SLC25A27: variants seen among roughly 807,000 people sequenced by gnomAD.
The protein encoded by SLC25A27 is solute carrier family 25 member 27.
In SLC25A27, 35 loss-of-function variants were observed where a neutral mutation model predicts 49.1. That is an observed-to-expected ratio of 0.71 (90% CI 0.54 to 0.95). The LOEUF (loss-of-function observed/expected upper bound fraction) is 0.95, where lower values mean the gene tolerates loss of function less well. Ranked by LOEUF, SLC25A27 falls within the 40% of genes least tolerant of loss-of-function variation. The pLI, the probability that SLC25A27 is intolerant of heterozygous loss-of-function variation, is 0.00. For missense variants in SLC25A27, 339 were observed against 397.1 expected (o/e 0.85, Z 1.24); for synonymous variants, 144 against 136.9 (o/e 1.05, Z -0.36).
At chr6:46,653,328 G>T in intron 1 of SLC25A27, 30 bp downstream of exon 1, 1 of 1,591,622 alleles carries the variant, frequency 6.3e-7, no homozygotes, top group Non-Finnish European at 8.5e-7. Flanking sequence ...TGGGCCTCCC[G>T]GGCCAGTGGC....
At chr6:46,671,981 G>GTA (rs1763565106) in intron 8 of SLC25A27, among the ~76,000 whole-genome samples, 1 of 151,852 alleles carries the variant, frequency 6.6e-6, no homozygotes, top group Non-Finnish European at 1.5e-5. Flanking sequence ...AATATTATAT[G>GTA]TATCTTTTTA....
intron 8 of SLC25A27, among the ~76,000 whole-genome samples, chr6:46,672,320 G>C (rs1763584641): frequency 6.6e-6 from 1 of 152,048 alleles, no homozygotes; most frequent in Non-Finnish European, 1.5e-5. Flanking sequence ...CAAGGGGTGA[G>C]ACCACAGAGA....
chr6:46,670,981 C>A lies in SLC25A27; in HGVS notation c.798-145C>A. On this transcript the variant is annotated intron_variant, in intron 7 of 8. Transcript: ENST00000371347. The stretch of plus-strand genomic sequence containing the variant: ...TCCTGACCTCATGATCTGCCTGCCT[C>A]GGCCTCCCAAAGTGCTGGGATTACA... 1 of 532,478 alleles carries A rather than the reference C, an allele frequency of 1.9e-6. No homozygotes were observed. Among genetic ancestry groups the A allele is most frequent in the Non-Finnish European group, 3.3e-6 (1 of 300,872 alleles). 33.0% of individuals were successfully genotyped at this position (532,478 alleles called of 1,614,324 possible).
chr6:46,668,028 T>C (rs1310467030), intron 5 of SLC25A27, among the ~76,000 whole-genome samples: 2 of 152,294 alleles, frequency 1.3e-5, no homozygotes, highest in Admixed American at 6.5e-5. Context: ...AACCCTTCCA[T>C]AGCTCTTCAT....
At chr6:46,668,588 C>G in intron 5 of SLC25A27, 121 bp from the exon 6 acceptor site, 1 of 628,892 alleles carries the variant, frequency 1.6e-6, no homozygotes, top group South Asian at 2.1e-5. Context: ...TCCTTGAGAA[C>G]AAGAAGGATT....
chr6:46,656,051 T>G lies in SLC25A27; in HGVS notation c.298+17T>G, dbSNP rs747627335. 3 of 1,588,280 alleles carry G rather than the reference T, an allele frequency of 1.9e-6. No homozygotes were observed. The East Asian group carries it at 6.8e-5, about 36-fold the overall frequency. On this transcript the variant is annotated intron_variant, in intron 2 of 8. Coordinates refer to ENST00000371347, the MANE Select transcript of SLC25A27 (RefSeq NM_004277.5). ...GACACGTAGGTATTTATCTTGATTC[T>G]AGCTGGTAAGTTTGTTATGAGTTCT...
intron 8 of SLC25A27, among the ~76,000 whole-genome samples, chr6:46,674,634 C>T (rs113741893): frequency 3.3e-5 from 5 of 152,270 alleles, no homozygotes; most frequent in East Asian, 1.9e-4. Context: ...AATACAGATT[C>T]GACTCAGCTG....
intron 5 of SLC25A27, 21 bp from the exon 6 acceptor site, chr6:46,668,684 ATATT>A (rs1205406368): frequency 7.4e-7 from 1 of 1,355,736 alleles, no homozygotes; most frequent in Non-Finnish European, 1.1e-6. Flanking sequence ...TGACTGATGA[ATATT>A]TAAACTTTTT....
rs1459683400 is a variant in SLC25A27 at position 46,653,177 on chromosome 6, C to G, written c.-16C>G. ...GCGGCGAGAAGGAGTGCGTTATCGT[C>G]TTGCGCTACTGCTGAATGTCCGTCC... is the stretch of plus-strand genomic sequence containing the variant. On this transcript the variant is annotated 5_prime_UTR_variant, in exon 1 of 9. Transcript: ENST00000371347. The G allele has an allele frequency of 1.2e-6, 2 of 1,608,842 alleles. No individual in the cohort carries two copies. Among genetic ancestry groups the G allele is most frequent in the African/African-American group, 1.3e-5 (1 of 74,826 alleles).
chr6:46,654,223 A>C lies in SLC25A27; in HGVS notation c.106+925A>C, dbSNP rs924054086. The C allele has an allele frequency of 8.9e-6, 6 of 671,358 alleles. No homozygotes were observed. The East Asian group carries it at 4.0e-4, about 45-fold the overall frequency. The allele number at this position is 671,358 out of a possible 1,614,324, so 41.6% of individuals were successfully genotyped here. A position where few individuals can be genotyped will look rare whatever the true frequency, so the allele number is the denominator to read the frequency against. The stretch of plus-strand genomic sequence containing the variant: ...TACATTTTCTTGCCTGTTACAAAAA[A>C]ATAAAAAGAACAGTTCTGATGCGTT... On this transcript the variant is annotated intron_variant, in intron 1 of 8. Transcript: ENST00000371347.
At chr6:46,676,300 T>TCA in intron 8 of SLC25A27, 83 bp from the exon 9 acceptor site, 1 of 1,294,652 alleles carries the variant, frequency 7.7e-7, no homozygotes, top group East Asian at 2.4e-5. Context: ...AATGACTTTG[T>TCA]CATTCAAATA....
chr6:46,671,395 A>C (rs971027218), intron 8 of SLC25A27, among the ~76,000 whole-genome samples, 167 bp downstream of exon 8: 18 of 151,842 alleles, frequency 1.2e-4, no homozygotes, highest in Admixed American at 2.0e-4. Context: ...ACTTCTCCTC[A>C]GAGTTATCTT....
intron 1 of SLC25A27, among the ~76,000 whole-genome samples, chr6:46,655,531 GTTTGTTTTTTTTTTT>G (rs1762944079): frequency 2.0e-5 from 2 of 98,546 alleles, no homozygotes; most frequent in South Asian, 3.7e-4. Context: ...TATTGTTAAT[GTTTGTTTTTTTTTTT>G]TTTTTTTTTT....
intron 2 of SLC25A27, among the ~76,000 whole-genome samples, chr6:46,657,718 A>G (rs1763033919): frequency 6.6e-6 from 1 of 152,230 alleles, no homozygotes; most frequent in Non-Finnish European, 1.5e-5. Flanking sequence ...TTGAAAATTA[A>G]CATATATTTA....
chr6:46,655,716 G>A, intron 1 of SLC25A27, 127 bp from the exon 2 acceptor site: 2 of 768,802 alleles, frequency 2.6e-6, no homozygotes, highest in South Asian at 1.7e-5. Context: ...AATCTCCCTA[G>A]CTGATTCTGA....
rs115890322 is a variant in SLC25A27, at chr6:46,658,692, G to A, written c.299-270G>A. ...AAAACATGTTTTTGAGTTGAGTCCTGAAAGACAAGGAGATGTTAGTAAAGC... is the reference window on the plus strand; with the variant it reads ...AAAACATGTTTTTGAGTTGAGTCCTAAAAGACAAGGAGATGTTAGTAAAGC... On this transcript the variant is annotated intron_variant, in intron 2 of 8. Coordinates refer to ENST00000371347, the MANE Select transcript of SLC25A27 (RefSeq NM_004277.5). 1,855 of 457,608 alleles carry A rather than the reference G, an allele frequency of 4.1e-3. 32 individuals are homozygous for A. Among genetic ancestry groups the A allele is most frequent in the African/African-American group, 0.033 (1,663 of 49,780 alleles). The allele number at this position is 457,608 out of a possible 1,614,324, so 28.3% of individuals were successfully genotyped here. A position where few individuals can be genotyped will look rare whatever the true frequency, so the allele number is the denominator to read the frequency against.
intron 7 of SLC25A27, 120 bp downstream of exon 7, chr6:46,670,347 G>A: frequency 1.4e-6 from 1 of 707,434 alleles, no homozygotes; most frequent in Non-Finnish European, 2.3e-6. Flanking sequence ...TGAGAAAATT[G>A]AGCGCATTTT....
Position 46,655,862 on chromosome 6 carries a change from C to T in SLC25A27, c.126C>T (p.Leu42=). Residue 42 remains leucine, a synonymous_variant, in exon 2 of 9, where the codon CTC becomes CTT. Transcript: ENST00000371347. The part of the protein sequence containing the change: ...VAELATFPLD[L]TKTRLQMQGE... ...TGTTAGCAACCTTTCCCCTGGATCT[C>T]ACAAAAACTCGACTCCAAATGCAAG... 1 of 1,612,442 alleles carries T rather than the reference C, an allele frequency of 6.2e-7. No homozygotes were observed. The highest frequency in any genetic ancestry group is 8.5e-7 in the Non-Finnish European group (1 of 1,179,522).
intron 5 of SLC25A27, among the ~76,000 whole-genome samples, chr6:46,666,118 AG>A (rs1296929137): frequency 6.6e-6 from 1 of 151,978 alleles, no homozygotes; most frequent in Non-Finnish European, 1.5e-5. Flanking sequence ...TCTCCTACAT[AG>A]TTTTCTTCTA....
Sources: gnomAD v4.1 joint callset for allele counts (sites outside exome capture counted in the v4.1 genomes callset) on GRCh38, gnomAD v4.1.1 for gene constraint, MANE v1.5 for transcripts, NCBI Gene and HGNC (gene_info 2026-07-23, HGNC 2026-07-21) for gene names.